OSBPL9: variants seen among roughly 807,000 people sequenced by gnomAD.
OSBPL9 encodes the protein oxysterol-binding protein-related protein 9.
Under a neutral mutation model 106.6 loss-of-function variants are expected in OSBPL9, and 40 were observed. The ratio of observed to expected loss-of-function variants is 0.38; its 90% CI spans 0.29 to 0.49. The LOEUF (loss-of-function observed/expected upper bound fraction) is 0.49, where lower values mean the gene tolerates loss of function less well. OSBPL9 is among the 20% of genes least tolerant of loss of function. The pLI, the probability that OSBPL9 is intolerant of heterozygous loss-of-function variation, is 0.97. For missense variants in OSBPL9, 609 were observed against 887.2 expected (o/e 0.69, Z 3.98); for synonymous variants, 269 against 295.4 (o/e 0.91, Z 0.92).
intron 7 of OSBPL9, chr1:51,749,407 G>T: frequency 3.9e-6 from 1 of 257,942 alleles, no homozygotes. Context: ...CGAACTCCTG[G>T]GCTCAGACAA....
intron 1 of OSBPL9, among the ~76,000 whole-genome samples, chr1:51,591,085 A>G (rs188730255): frequency 6.6e-6 from 1 of 151,758 alleles, no homozygotes; most frequent in African/African-American, 2.4e-5. Flanking sequence ...AGCCCAGCTA[A>G]TTTTTTGTAT....
intron 1 of OSBPL9, among the ~76,000 whole-genome samples, chr1:51,640,438 T>G (rs1645715419): frequency 2.0e-5 from 3 of 152,228 alleles, no homozygotes; most frequent in Admixed American, 1.3e-4. Flanking sequence ...ACAATCAAGA[T>G]ATAATCAAGT....
chr1:51,754,939 TG>T (rs1000384657), intron 8 of OSBPL9, among the ~76,000 whole-genome samples: 1 of 152,166 alleles, frequency 6.6e-6, no homozygotes, highest in Non-Finnish European at 1.5e-5. Flanking sequence ...CCTGAGTAGC[TG>T]GGACTACAGG....
the OSBPL9 span, among the ~76,000 whole-genome samples, chr1:51,530,834 A>C: frequency 6.7e-6 from 1 of 149,264 alleles, no homozygotes; most frequent in African/African-American, 2.5e-5. Flanking sequence ...GCCTCTACTA[A>C]AAATATCAAA....
the OSBPL9 span, among the ~76,000 whole-genome samples, chr1:51,558,575 C>T: frequency 1.3e-5 from 2 of 152,114 alleles, no homozygotes; most frequent in Non-Finnish European, 2.9e-5. Context: ...ACTGACTCAG[C>T]TCAAGAGGAC....
chr1:51,748,242 C>T, intron 6 of OSBPL9, 127 bp from the exon 7 acceptor site: 2 of 1,106,452 alleles, frequency 1.8e-6, no homozygotes, highest in South Asian at 4.3e-5. Context: ...ACTCCCTTCC[C>T]AACTTGCTTG....
intron 2 of OSBPL9, among the ~76,000 whole-genome samples, chr1:51,657,826 G>A (rs1646908072): frequency 6.6e-6 from 1 of 152,162 alleles, no homozygotes; most frequent in African/African-American, 2.4e-5. Flanking sequence ...GCCCGGGCTT[G>A]GTGGCTCATG....
chr1:51,573,610 T>C (rs1645165668), upstream of OSBPL9, among the ~76,000 whole-genome samples: 1 of 147,924 alleles, frequency 6.8e-6, no homozygotes. Flanking sequence ...GGTCAAGAGA[T>C]GGAGACCATC....
intron 3 of OSBPL9, among the ~76,000 whole-genome samples, chr1:51,704,201 A>G (rs1164452339): frequency 6.6e-6 from 1 of 152,174 alleles, no homozygotes; most frequent in Non-Finnish European, 1.5e-5. Context: ...GAATAGTTTC[A>G]GAAGGAATGG....
chr1:51,632,933 A>T (rs1406562605), intron 1 of OSBPL9, among the ~76,000 whole-genome samples: 2 of 150,870 alleles, frequency 1.3e-5, no homozygotes, highest in Non-Finnish European at 3.0e-5. Flanking sequence ...AGACTTGATT[A>T]AAAAAAAATG....
chr1:51,709,008 C>A (rs1366617840), intron 3 of OSBPL9: 7 of 152,272 alleles, frequency 4.6e-5, no homozygotes, highest in African/African-American at 1.7e-4. Context: ...TTGGTCCCAG[C>A]AGCAGCAGAG....
the OSBPL9 span, among the ~76,000 whole-genome samples, chr1:51,525,401 C>G: frequency 9.5e-3 from 1,440 of 152,306 alleles, 24 homozygotes; most frequent in African/African-American, 0.033. Flanking sequence ...ATCTCCCCCA[C>G]AAACACAAAA....
At chr1:51,782,489 A>G (rs1676622614) in intron 16 of OSBPL9, 70 bp from the exon 17 acceptor site, 6 of 1,375,566 alleles carry the variant, frequency 4.4e-6, no homozygotes, top group Non-Finnish European at 6.1e-6. Context: ...AGAGACCCCA[A>G]TTACCAGATT....
chr1:51,727,855 ATAAC>A (rs752235812), intron 4 of OSBPL9, among the ~76,000 whole-genome samples: 3 of 152,196 alleles, frequency 2.0e-5, no homozygotes, highest in African/African-American at 4.8e-5. Context: ...ATTTAAATAA[ATAAC>A]TAAGATAAAT....
the OSBPL9 span, among the ~76,000 whole-genome samples, chr1:51,564,885 C>T: frequency 6.6e-6 from 1 of 152,202 alleles, no homozygotes. Flanking sequence ...ACATCAGGTG[C>T]ATGGTCCTCA....
At chr1:51,629,103 C>T (rs912344794) in intron 1 of OSBPL9, among the ~76,000 whole-genome samples, 1 of 152,136 alleles carries the variant, frequency 6.6e-6, no homozygotes, top group African/African-American at 2.4e-5. Context: ...TTGATTACTT[C>T]TTATACAGGT....
intron 17 of OSBPL9, among the ~76,000 whole-genome samples, chr1:51,783,322 G>A (rs970535953): frequency 2.7e-5 from 4 of 150,550 alleles, no homozygotes; most frequent in Non-Finnish European, 5.9e-5. Context: ...CTATGGACAT[G>A]TGCCACCACA....
At chr1:51,704,533 A>G (rs925342257) in intron 3 of OSBPL9, among the ~76,000 whole-genome samples, 1 of 152,220 alleles carries the variant, frequency 6.6e-6, no homozygotes, top group Non-Finnish European at 1.5e-5. Context: ...GCTATAACAA[A>G]TTACCATAGA....
intron 2 of OSBPL9, among the ~76,000 whole-genome samples, chr1:51,661,241 A>G (rs1166115279): frequency 6.6e-6 from 1 of 152,150 alleles, no homozygotes; most frequent in Non-Finnish European, 1.5e-5. Flanking sequence ...AGGAGTCATC[A>G]TTCTTTTTTA....
Sources: allele counts gnomAD v4.1 joint callset (sites outside exome capture counted in the v4.1 genomes callset), GRCh38; gene constraint gnomAD v4.1.1; transcripts MANE v1.5; gene names NCBI Gene and HGNC (gene_info 2026-07-23, HGNC 2026-07-21).